The following NOMO2 variants were observed in gnomAD, a reference collection of about 807,000 sequenced individuals.
NOMO2 encodes BOS complex subunit NOMO2.
In NOMO2, 14 loss-of-function variants were observed where a neutral mutation model predicts 67.1. The ratio of observed to expected loss-of-function variants is 0.21; its 90% CI spans 0.14 to 0.33. The LOEUF is 0.33. Ranked by LOEUF, NOMO2 falls within the 10% of genes least tolerant of loss-of-function variation. The pLI is 1.00. For missense variants in NOMO2, 178 were observed against 761.0 expected (o/e 0.23, Z 9.01); for synonymous variants, 80 against 305.9 (o/e 0.26, Z 7.71).
intron 11 of NOMO2, among the ~76,000 whole-genome samples, chr16:18,535,889 C>T (rs981287410): frequency 2.0e-5 from 3 of 151,942 alleles, no homozygotes; most frequent in South Asian, 2.1e-4. Context: ...CCCTGCCTCT[C>T]GGATTCAAGC....
At chr16:18,554,285 G>C (rs1199441357) in intron 3 of NOMO2, among the ~76,000 whole-genome samples, 1 of 151,926 alleles carries the variant, frequency 6.6e-6, no homozygotes, top group African/African-American at 2.4e-5. Context: ...ATCTACCCTT[G>C]CTCGACAGTG....
At chr16:18,535,838 C>G (rs1015012755) in intron 11 of NOMO2, among the ~76,000 whole-genome samples, 7 of 151,990 alleles carry the variant, frequency 4.6e-5, no homozygotes, top group Non-Finnish European at 7.4e-5. Context: ...ACCCTGTCGG[C>G]CAGGCTGGAG....
At chr16:18,556,602 T>C (rs868331507) in intron 2 of NOMO2, among the ~76,000 whole-genome samples, 2 of 151,838 alleles carry the variant, frequency 1.3e-5, no homozygotes, top group Non-Finnish European at 2.9e-5. Flanking sequence ...TATTAAAAAA[T>C]ATATCAAAAT....
At position 18,557,054 on chromosome 16, in the gene NOMO2, G is replaced by C. The variant is rs185238613; in HGVS notation, c.255+648C>G. ...AGGAAGGAAAATGGCTTGAACCTGGGGGGTGGAGGTTGGAGTGAGGCAAGA... is the reference window on the plus strand; with the variant it reads ...AGGAAGGAAAATGGCTTGAACCTGGCGGGTGGAGGTTGGAGTGAGGCAAGA... On this transcript the variant is annotated intron_variant, in intron 2 of 30. Coordinates refer to ENST00000622306, the MANE Select transcript of NOMO2 (RefSeq NM_173614.4). Among the ~76,000 whole-genome samples the C allele has an allele frequency of 3.8e-3, 585 of 152,080 alleles. 5 individuals are homozygous for C. The highest frequency in any genetic ancestry group is 7.1e-3 in the Admixed American group (108 of 15,258).
Position 18,535,165 on chromosome 16 carries a change from T to A in NOMO2, c.1221-1986A>T, listed in dbSNP as rs373560795. Reference sequence around the variant, plus strand: ...GCCTAGCCAACACGGCAAAACCACATCTCTACTAAAAAATATAAAAATTAG... The same window carrying A: ...GCCTAGCCAACACGGCAAAACCACAACTCTACTAAAAAATATAAAAATTAG... On this transcript the variant is annotated intron_variant, in intron 11 of 30. Transcript: ENST00000622306. 8.3e-5 allele frequency among the ~76,000 whole-genome samples: 11 copies of A among 132,430 alleles called. No individual in the cohort carries two copies. The East Asian group carries it at 1.3e-3, about 16-fold the overall frequency. 86.9% of individuals were successfully genotyped at this position (132,430 alleles called of 152,430 possible). A position where few individuals can be genotyped will look rare whatever the true frequency, so the allele number is the denominator to read the frequency against.
intron 11 of NOMO2, among the ~76,000 whole-genome samples, chr16:18,536,739 G>A (rs572136249): frequency 0.018 from 2,767 of 152,024 alleles, 10 homozygotes; most frequent in African/African-American, 0.061. Context: ...TATTAGGTAC[G>A]AAGCATTTTT....
intron 1 of NOMO2, among the ~76,000 whole-genome samples, chr16:18,558,031 T>A (rs1366092720): frequency 6.6e-6 from 1 of 151,624 alleles, no homozygotes; most frequent in African/African-American, 2.4e-5. Flanking sequence ...TATTTTTCAA[T>A]GCTTTCCTGT....
Position 18,553,503 on chromosome 16 carries a change from G to A in NOMO2, c.301+1304C>T, listed in dbSNP as rs1044671985. Among the ~76,000 whole-genome samples the A allele has an allele frequency of 2.6e-4, 39 of 151,378 alleles. 1 individual carries two copies. Among genetic ancestry groups the A allele is most frequent in the Admixed American group, 1.7e-3 (26 of 15,192 alleles). ...TAATTTGTAGAAGGTCAGGGTGGTG[G>A]TCACCTGGAGGGTGGGGCGGGATGG... On this transcript the variant is annotated intron_variant, in intron 3 of 30. Transcript: ENST00000622306.
At chr16:18,536,550 C>T (rs1901427904) in intron 11 of NOMO2, among the ~76,000 whole-genome samples, 1 of 151,806 alleles carries the variant, frequency 6.6e-6, no homozygotes, top group Non-Finnish European at 1.5e-5. Flanking sequence ...GTTGTTTTCC[C>T]AAGTTGCCCA....
chr16:18,526,574 C>T (rs1412351372), intron 16 of NOMO2, among the ~76,000 whole-genome samples: 20 of 151,696 alleles, frequency 1.3e-4, no homozygotes, highest in African/African-American at 3.9e-4. Flanking sequence ...CAGAATACTA[C>T]ACAGCAATGT....
chr16:18,555,413 C>A (rs1340102889), intron 2 of NOMO2, among the ~76,000 whole-genome samples: 12 of 146,050 alleles, frequency 8.2e-5, no homozygotes, highest in Admixed American at 2.1e-4. Context: ...CAGGCGCCTA[C>A]AGTCTTAGCT....
At chr16:18,548,635 T>C (rs1901706335) in intron 5 of NOMO2, among the ~76,000 whole-genome samples, 1 of 152,098 alleles carries the variant, frequency 6.6e-6, no homozygotes, top group African/African-American at 2.4e-5. Context: ...TACAAAGCAG[T>C]TTTGATATAA....
chr16:18,550,926 G>A (rs1404288522), intron 4 of NOMO2, among the ~76,000 whole-genome samples: 14 of 151,794 alleles, frequency 9.2e-5, no homozygotes, highest in Non-Finnish European at 1.8e-4. Context: ...GGGAGGTGGA[G>A]GCAGGCGGAT....
At chr16:18,528,248 G>C (rs1901192720) in intron 15 of NOMO2, among the ~76,000 whole-genome samples, 1 of 150,006 alleles carries the variant, frequency 6.7e-6, no homozygotes, top group Non-Finnish European at 1.5e-5. Context: ...ATAAAGAAGG[G>C]GTTAAGGAAG....
At chr16:18,526,209 C>T (rs1412647374) in intron 16 of NOMO2, among the ~76,000 whole-genome samples, 1 of 152,014 alleles carries the variant, frequency 6.6e-6, no homozygotes, top group Non-Finnish European at 1.5e-5. Flanking sequence ...CAAAACAAAA[C>T]CACCATGAGA....
In NOMO2 at chr16:18,558,842, T is replaced by C. The variant is rs541467998; in HGVS notation, c.166-1051A>G. ...GGTTGTACAGATTCACATCAATGCATATTAAGCACCTGCTACAGAATATGG... is the reference window on the plus strand; with the variant it reads ...GGTTGTACAGATTCACATCAATGCACATTAAGCACCTGCTACAGAATATGG... On this transcript the variant is annotated intron_variant, in intron 1 of 30. Coordinates refer to ENST00000622306, the MANE Select transcript of NOMO2 (RefSeq NM_173614.4). 19 of 455,690 alleles carry C rather than the reference T, an allele frequency of 4.2e-5. 1 individual carries two copies. In the East Asian group the frequency reaches 1.1e-3, roughly 27 times the overall value. 28.2% of individuals were successfully genotyped at this position (455,690 alleles called of 1,614,324 possible).
At chr16:18,531,330 T>C (rs1164746034) in intron 13 of NOMO2, 136 bp downstream of exon 13, 14 of 1,362,682 alleles carry the variant, frequency 1.0e-5, no homozygotes, top group Non-Finnish European at 1.3e-5. Context: ...TGCACCCACT[T>C]GACTCCAAGA....
At chr16:18,526,720 T>TTAA (rs1166453421) in intron 16 of NOMO2, among the ~76,000 whole-genome samples, 1 of 151,776 alleles carries the variant, frequency 6.6e-6, no homozygotes, top group Admixed American at 6.6e-5. Context: ...AGAAAATAGA[T>TTAA]CAGTGGCTGG....
chr16:18,560,361 G>T (rs1208815469), intron 1 of NOMO2, among the ~76,000 whole-genome samples: 3 of 151,194 alleles, frequency 2.0e-5, no homozygotes, highest in South Asian at 4.2e-4. Flanking sequence ...GGTGAGGGTG[G>T]AGGGGGGTGC....
Sources: allele counts gnomAD v4.1 joint callset (sites outside exome capture counted in the v4.1 genomes callset), GRCh38; gene constraint gnomAD v4.1.1; transcripts MANE v1.5; gene names NCBI Gene and HGNC (gene_info 2026-07-23, HGNC 2026-07-21).